NBAS: variants seen among roughly 807,000 people sequenced by gnomAD.
NBAS encodes the protein NBAS subunit of NRZ tethering complex.
A neutral mutation model predicts 302.5 loss-of-function variants in NBAS; 219 were observed. The observed-to-expected ratio is 0.72, with a 90% confidence interval of 0.65 to 0.81. The LOEUF (loss-of-function observed/expected upper bound fraction) is 0.81, where lower values mean the gene tolerates loss of function less well. Among genes scored for constraint, NBAS ranks in the 30% least tolerant of loss-of-function variants. NBAS has a pLI of 0.00. For missense variants in NBAS, 2,932 were observed against 2,841.6 expected, an observed-to-expected ratio of 1.03 and a Z score of -0.72; for synonymous variants, 1,118 against 1,021.6, an observed-to-expected ratio of 1.09 and a Z score of -1.80.
chr2:15,335,242 G>GC (rs1672528769), intron 35 of NBAS, among the ~76,000 whole-genome samples: 1 of 150,044 alleles, frequency 6.7e-6, no homozygotes, highest in Non-Finnish European at 1.5e-5. Flanking sequence ...TAATAAACAT[G>GC]CCAGAACTTA....
chr2:15,142,243 G>T, the NBAS span, among the ~76,000 whole-genome samples: 1 of 152,202 alleles, frequency 6.6e-6, no homozygotes, highest in Non-Finnish European at 1.5e-5. Context: ...GCAGGAAGGA[G>T]ATAATAGAGC....
In NBAS at chr2:15,205,785, C is replaced by T. The variant is rs368255344; in HGVS notation, c.6432+12988G>A. ...ATAAGTGTCTGGCACCTTCCACCCC[C>T]TCTCTCTCCTGCTGCCTTCTGAAGA... On this transcript the variant is annotated intron_variant, in intron 48 of 51. Transcript: ENST00000281513. 4.6e-5 allele frequency among the ~76,000 whole-genome samples: 7 copies of T among 152,236 alleles called. No individual in the cohort carries two copies. In the East Asian group the frequency reaches 1.2e-3, roughly 25 times the overall value.
chr2:15,515,732 G>A (rs1013625740), intron 9 of NBAS, among the ~76,000 whole-genome samples: 1 of 152,092 alleles, frequency 6.6e-6, no homozygotes, highest in South Asian at 2.1e-4. Context: ...GGGCAACACT[G>A]GCCAGAAGTG....
At chr2:15,346,463 G>A (rs889567372) in intron 35 of NBAS, among the ~76,000 whole-genome samples, 6 of 152,012 alleles carry the variant, frequency 3.9e-5, no homozygotes, top group Admixed American at 6.6e-5. Context: ...ACCATCTCAC[G>A]CCAGTTAGAA....
intron 28 of NBAS, among the ~76,000 whole-genome samples, chr2:15,390,862 C>T (rs896269894): frequency 6.6e-6 from 1 of 152,060 alleles, no homozygotes; most frequent in Non-Finnish European, 1.5e-5. Context: ...TGCCTGTAAT[C>T]CCAGCACTTT....
chr2:15,394,757 TGTTAGA>T (rs1180481623), intron 27 of NBAS, among the ~76,000 whole-genome samples: 1 of 152,108 alleles, frequency 6.6e-6, no homozygotes, highest in East Asian at 1.9e-4. Context: ...AAACCAAGAA[TGTTAGA>T]GTTAGACGAC....
chr2:15,520,087 C>T (rs2148660503), intron 9 of NBAS, among the ~76,000 whole-genome samples: 1 of 151,948 alleles, frequency 6.6e-6, no homozygotes, highest in Admixed American at 6.6e-5. Context: ...TTTTTAAATA[C>T]AATTTAGAGT....
chr2:14,830,884 C>T, the NBAS span, among the ~76,000 whole-genome samples: 2 of 152,182 alleles, frequency 1.3e-5, no homozygotes, highest in Non-Finnish European at 2.9e-5. Flanking sequence ...ACAGTTTGCC[C>T]ATTTCTGTGG....
In NBAS at chr2:15,468,521, T is replaced by G; in HGVS notation, c.1738A>C (p.Lys580Gln). ...SIQNYLSKIK[K>Q]RSWVLHECLE... The stretch of plus-strand genomic sequence containing the variant: ...CACTCATGGAGAACCCAGGATCGCT[T>G]CTTTATTTTACTCTGCATATAAAGG... The change falls in exon 17 of 52, where the codon AAG (lysine) becomes CAG (glutamine). Residue 580 changes from lysine (K) to glutamine (Q), a missense_variant. Transcript: ENST00000281513. 6.2e-7 allele frequency: 1 copy of G among 1,614,012 alleles called. No homozygotes were observed. The highest frequency in any genetic ancestry group is 1.1e-5 in the South Asian group (1 of 91,082).
chr2:15,543,974 G>A (rs553269955), intron 6 of NBAS, among the ~76,000 whole-genome samples: 7 of 152,246 alleles, frequency 4.6e-5, no homozygotes, highest in Non-Finnish European at 8.8e-5. Flanking sequence ...AATTCTCAAG[G>A]AGCAGACTTC....
At chr2:15,398,471 A>C (rs577107724) in intron 26 of NBAS, among the ~76,000 whole-genome samples, 3 of 152,280 alleles carry the variant, frequency 2.0e-5, no homozygotes, top group Non-Finnish European at 4.4e-5. Flanking sequence ...TTACAGCTCT[A>C]TTATAATCAT....
At chr2:15,068,768 A>C in the NBAS span, among the ~76,000 whole-genome samples, 1 of 152,214 alleles carries the variant, frequency 6.6e-6, no homozygotes, top group South Asian at 2.1e-4. Context: ...GGCTTCTAAA[A>C]ATTCTAAACA....
chr2:14,921,236 CACA>C, the NBAS span, among the ~76,000 whole-genome samples: 3 of 152,092 alleles, frequency 2.0e-5, no homozygotes, highest in Non-Finnish European at 2.9e-5. Flanking sequence ...TCAGAACACA[CACA>C]ACATTTATCG....
intron 44 of NBAS, among the ~76,000 whole-genome samples, chr2:15,259,436 G>C (rs999120193): frequency 1.2e-4 from 19 of 152,202 alleles, no homozygotes; most frequent in African/African-American, 4.6e-4. Context: ...GCTGTCAGTA[G>C]AATGCATTGT....
the NBAS span, among the ~76,000 whole-genome samples, chr2:15,075,760 T>TACACACACACAC: frequency 1.7e-4 from 25 of 150,072 alleles, no homozygotes; most frequent in East Asian, 2.2e-3. Flanking sequence ...CCAAAATTTA[T>TACACACACACAC]ACACACACAC....
At chr2:15,521,143 G>T (rs1220255827) in intron 9 of NBAS, among the ~76,000 whole-genome samples, 1 of 152,152 alleles carries the variant, frequency 6.6e-6, no homozygotes, top group Admixed American at 6.5e-5. Context: ...AGTATTCCCT[G>T]CCCTTGTGGA....
the NBAS span, among the ~76,000 whole-genome samples, chr2:15,024,099 T>G: frequency 6.6e-6 from 1 of 152,112 alleles, no homozygotes; most frequent in Non-Finnish European, 1.5e-5. Flanking sequence ...GGGTTTTGTT[T>G]TTTTCTAAAC....
chr2:15,499,294 A>G (rs1169103273), intron 11 of NBAS, among the ~76,000 whole-genome samples: 1 of 152,216 alleles, frequency 6.6e-6, no homozygotes, highest in African/African-American at 2.4e-5. Context: ...GTTCTGTCAT[A>G]AAGACACATG....
At chr2:15,387,334 T>A (rs1350796945) in intron 28 of NBAS, among the ~76,000 whole-genome samples, 1 of 152,182 alleles carries the variant, frequency 6.6e-6, no homozygotes, top group East Asian at 1.9e-4. Flanking sequence ...CCCAAAGTGC[T>A]GGGATTACAG....
Sources: allele counts gnomAD v4.1 joint callset (sites outside exome capture counted in the v4.1 genomes callset), GRCh38; gene constraint gnomAD v4.1.1; transcripts MANE v1.5; gene names NCBI Gene and HGNC (gene_info 2026-07-23, HGNC 2026-07-21).